Variants in FGF12 observed in about 807,000 individuals in gnomAD.
FGF12 encodes the protein fibroblast growth factor 12.
Under a neutral mutation model 23.6 loss-of-function variants are expected in FGF12, and 14 were observed. That is an observed-to-expected ratio of 0.59 (90% CI 0.39 to 0.93). The LOEUF is 0.93. FGF12 is among the 40% of genes least tolerant of loss of function. FGF12 has a pLI of 0.00. For synonymous variants in FGF12, 62 were observed against 77.3 expected, an observed-to-expected ratio of 0.80 and a Z score of 1.04; for missense variants, 175 against 217.8, an observed-to-expected ratio of 0.80 and a Z score of 1.24.
chr3:192,628,096 A>G (rs1042091326), intron 2 of FGF12, among the ~76,000 whole-genome samples: 2 of 152,162 alleles, frequency 1.3e-5, no homozygotes, highest in African/African-American at 2.4e-5. Context: ...GAACGTGATT[A>G]TACAGTAAAT....
intron 4 of FGF12, among the ~76,000 whole-genome samples, chr3:192,191,574 G>A (rs756241646): frequency 1.3e-5 from 2 of 152,138 alleles, no homozygotes; most frequent in African/African-American, 2.4e-5. Context: ...AGTGGCTCAC[G>A]CCTATAATCC....
intron 2 of FGF12, among the ~76,000 whole-genome samples, chr3:192,618,319 C>T (rs1412905342): frequency 6.6e-6 from 1 of 151,922 alleles, no homozygotes; most frequent in Non-Finnish European, 1.5e-5. Flanking sequence ...GAATTGCATT[C>T]CAAACTGGTA....
At chr3:192,677,783 GT>G (rs1717381305) in intron 2 of FGF12, among the ~76,000 whole-genome samples, 1 of 152,134 alleles carries the variant, frequency 6.6e-6, no homozygotes, top group South Asian at 2.1e-4. Flanking sequence ...CACAGAGCTG[GT>G]ACCCTAAGCG....
At chr3:192,407,533 A>G (rs1483191425) in intron 2 of FGF12, among the ~76,000 whole-genome samples, 1 of 152,164 alleles carries the variant, frequency 6.6e-6, no homozygotes, top group East Asian at 1.9e-4. Flanking sequence ...AATAAATTTA[A>G]GTTCATCTGG....
intron 5 of FGF12, among the ~76,000 whole-genome samples, chr3:192,144,429 T>G (rs1713580068): frequency 6.6e-6 from 1 of 152,094 alleles, no homozygotes. Context: ...TCATCCAGAG[T>G]CAGAGGAGAC....
chr3:192,630,416 A>G (rs1418506737), intron 2 of FGF12, among the ~76,000 whole-genome samples: 1 of 152,080 alleles, frequency 6.6e-6, no homozygotes, highest in African/African-American at 2.4e-5. Context: ...TTCATTTTAT[A>G]GATACGGAAA....
Position 192,415,739 on chromosome 3 carries a change from C to T in FGF12, c.14-55201G>A, listed in dbSNP as rs1378298306. Among the ~76,000 whole-genome samples, 645 of 148,008 alleles carry T rather than the reference C, an allele frequency of 4.4e-3. 4 individuals carry two copies. The highest frequency in any genetic ancestry group is 9.1e-3 in the African/African-American group (357 of 39,186). On this transcript the variant is annotated intron_variant, in intron 2 of 5. Transcript: ENST00000445105. The stretch of plus-strand genomic sequence containing the variant: ...TTCTCTTCTCTCTCTCTCTCACACA[C>T]ACACACACACACACACACACACACA...
intron 4 of FGF12, among the ~76,000 whole-genome samples, chr3:192,286,619 A>G (rs533163418): frequency 6.6e-6 from 1 of 152,086 alleles, no homozygotes; most frequent in Non-Finnish European, 1.5e-5. Flanking sequence ...AATGGAATGA[A>G]CTGATTCTTA....
intron 4 of FGF12, among the ~76,000 whole-genome samples, chr3:192,284,350 A>C (rs1714323556): frequency 6.6e-6 from 1 of 152,070 alleles, no homozygotes; most frequent in Non-Finnish European, 1.5e-5. Flanking sequence ...TGGTTAATAT[A>C]ATTCTTTGAG....
intron 5 of FGF12, among the ~76,000 whole-genome samples, chr3:192,159,033 A>C (rs1714715548): frequency 6.6e-6 from 1 of 152,130 alleles, no homozygotes; most frequent in Admixed American, 6.5e-5. Context: ...TGTATGAAAT[A>C]GCTTTAAAAA....
At chr3:192,259,581 A>C (rs1408643030) in intron 4 of FGF12, among the ~76,000 whole-genome samples, 1 of 152,150 alleles carries the variant, frequency 6.6e-6, no homozygotes, top group East Asian at 1.9e-4. Context: ...TTCCCATGAG[A>C]GGAAAAAAAT....
chr3:192,618,309 G>C lies in FGF12; in HGVS notation c.13+108872C>G, dbSNP rs77350752. Among the ~76,000 whole-genome samples, 1,028 of 151,730 alleles carry C rather than the reference G, an allele frequency of 6.8e-3. 12 individuals carry two copies. Among genetic ancestry groups the C allele is most frequent in the African/African-American group, 0.024 (984 of 41,396 alleles). On this transcript the variant is annotated intron_variant, in intron 2 of 5. Transcript: ENST00000445105. ...TAACCAGAGAATGCTACTGCTGATA[G>C]AATTGCATTCCAAACTGGTACAGGT... is the stretch of plus-strand genomic sequence containing the variant.
At chr3:192,175,441 G>A (rs1393319931) in intron 4 of FGF12, among the ~76,000 whole-genome samples, 1 of 152,144 alleles carries the variant, frequency 6.6e-6, no homozygotes, top group Admixed American at 6.5e-5. Flanking sequence ...TCTATGTCAT[G>A]TGTGTAGATA....
intron 3 of FGF12, among the ~76,000 whole-genome samples, chr3:192,338,520 A>G (rs568746584): frequency 6.6e-6 from 1 of 152,316 alleles, no homozygotes; most frequent in South Asian, 2.1e-4. Context: ...TTCCTTAAAG[A>G]CAGCATAAAG....
chr3:192,462,159 A>G (rs1291438931), intron 2 of FGF12, among the ~76,000 whole-genome samples: 1 of 152,224 alleles, frequency 6.6e-6, no homozygotes, highest in East Asian at 1.9e-4. Flanking sequence ...CACTGAAACT[A>G]TTAAGAATTT....
intron 2 of FGF12, among the ~76,000 whole-genome samples, chr3:192,370,293 T>G (rs1318130928): frequency 1.3e-5 from 2 of 152,174 alleles, no homozygotes; most frequent in Non-Finnish European, 2.9e-5. Context: ...CATGTATAAT[T>G]TATGCCACGT....
chr3:192,360,434 C>T lies in FGF12; in HGVS notation c.118G>A (p.Asp40Asn), dbSNP rs780266108. The T allele has an allele frequency of 5.6e-6, 9 of 1,602,492 alleles. No homozygotes were observed. Among genetic ancestry groups the T allele is most frequent in the African/African-American group, 2.7e-5 (2 of 74,686 alleles). The change falls in exon 3 of 6, where the codon GAC becomes AAC. Residue 40 changes from aspartate to asparagine, a missense_variant. Transcript: ENST00000445105. This position sits in a 1 kb window ranked among gnomAD's most constrained non-coding sequence, Gnocchi z 4.3. ...TIDGTKDENSDYTLFNLIPVG... is the reference protein window; with the variant it reads ...TIDGTKDENSNYTLFNLIPVG... ...AGAAGCTAATGTTTCTTACTGTAGTCGCTGTTTTCGTCCTTGGTCCCATCA... is the reference window on the plus strand; with the variant it reads ...AGAAGCTAATGTTTCTTACTGTAGTTGCTGTTTTCGTCCTTGGTCCCATCA...
rs149559816 is a variant in FGF12, at chr3:192,640,455, T to C, written c.13+86726A>G. Among the ~76,000 whole-genome samples, 1,251 of 152,250 alleles carry C rather than the reference T, an allele frequency of 8.2e-3. 21 individuals carry two copies. Among genetic ancestry groups the C allele is most frequent in the African/African-American group, 0.029 (1,219 of 41,536 alleles). ...GCTAATTTTATATATCACATATAAG[T>C]AAAGATGAACTCCAACAGAGGTAGG... On this transcript the variant is annotated intron_variant, in intron 2 of 5. Transcript: ENST00000445105.
intron 4 of FGF12, among the ~76,000 whole-genome samples, chr3:192,284,960 T>A (rs896520980): frequency 1.3e-5 from 2 of 152,040 alleles, no homozygotes; most frequent in Admixed American, 1.3e-4. Flanking sequence ...ACAAGCTGAT[T>A]GGACTGCCCA....
Sources: gnomAD v4.1 joint callset for allele counts (sites outside exome capture counted in the v4.1 genomes callset) on GRCh38, gnomAD v4.1.1 for gene constraint, Gnocchi (gnomAD v3.1) non-coding constraint, MANE v1.5 for transcripts, NCBI Gene and HGNC (gene_info 2026-07-23, HGNC 2026-07-21) for gene names.